PSMB1: variants seen among roughly 807,000 people sequenced by gnomAD.
PSMB1 encodes the protein proteasome 20S subunit beta 1.
PSMB1 carries 7 observed loss-of-function variants against 25.4 expected under a neutral mutation model. That is an observed-to-expected ratio of 0.28 (90% CI 0.16 to 0.52). PSMB1 has a LOEUF of 0.52. Among genes scored for constraint, PSMB1 ranks in the 20% least tolerant of loss-of-function variants. PSMB1 has a pLI of 0.97. For synonymous variants in PSMB1, 119 were observed against 115.0 expected (o/e 1.03, Z -0.22); for missense variants, 284 against 302.2 (o/e 0.94, Z 0.45).
At chr6:170,537,707 A>G (rs181798501) in intron 4 of PSMB1, among the ~76,000 whole-genome samples, 26 of 152,228 alleles carry the variant, frequency 1.7e-4, no homozygotes, top group Non-Finnish European at 3.5e-4. Flanking sequence ...AAAGATGACA[A>G]GAGAATTAAC....
At chr6:170,552,941 G>T (rs12210583) in intron 1 of PSMB1, among the ~76,000 whole-genome samples, 189 bp downstream of exon 1, 9,788 of 152,304 alleles carry the variant, frequency 0.064, 396 homozygotes, top group African/African-American at 0.11. Flanking sequence ...TGAGCAAAGC[G>T]AGCCTGAAGA....
chr6:170,543,513 A>G, intron 4 of PSMB1, 88 bp downstream of exon 4: 2 of 1,259,036 alleles, frequency 1.6e-6, no homozygotes, highest in Non-Finnish European at 1.1e-6. Context: ...GATGGTATTT[A>G]TGGTTCTTTT....
chr6:170,539,577 A>C (rs1778732741), intron 4 of PSMB1, among the ~76,000 whole-genome samples: 1 of 152,264 alleles, frequency 6.6e-6, no homozygotes, highest in Non-Finnish European at 1.5e-5. Context: ...TAAACTGTTC[A>C]ATAGGCAAAA....
chr6:170,552,255 T>G (rs1171457872), intron 1 of PSMB1, among the ~76,000 whole-genome samples: 1 of 152,176 alleles, frequency 6.6e-6, no homozygotes, highest in Non-Finnish European at 1.5e-5. Context: ...TCGTTCAAAT[T>G]GCGTGTGTAT....
intron 1 of PSMB1, 100 bp downstream of exon 1, chr6:170,553,030 A>C: frequency 9.4e-7 from 1 of 1,061,916 alleles, no homozygotes; most frequent in Admixed American, 2.2e-5. Context: ...TGAGGCCTGC[A>C]GGAGCCCGGG....
At chr6:170,537,369 A>G (rs764441200) in intron 4 of PSMB1, 29 bp from the exon 5 acceptor site, 9 of 1,534,060 alleles carry the variant, frequency 5.9e-6, no homozygotes, top group Admixed American at 1.7e-5. Context: ...ATTCATAAGG[A>G]TGGTATCCAA....
Position 170,535,335 on chromosome 6 carries a change from T to C in PSMB1, c.611A>G (p.Lys204Arg), listed in dbSNP as rs1324248704. 6.2e-7 allele frequency: 1 copy of C among 1,614,030 alleles called. No homozygotes were observed. The highest frequency in any genetic ancestry group is 8.5e-7 in the Non-Finnish European group (1 of 1,180,032). ...CTCAGCCGCAGAAATGAAGACATCT[T>C]TCACCAGCCGCATGGCTCTGTCCAA... ...LSLDRAMRLV[K>R]DVFISAAERD... is the part of the protein sequence containing the mutation. Residue 204 changes from lysine to arginine, a missense_variant, in exon 6 of 6, where the codon AAA becomes AGA. Coordinates refer to ENST00000262193, the MANE Select transcript of PSMB1 (RefSeq NM_002793.4).
chr6:170,543,639 T>C lies in PSMB1; in HGVS notation c.395A>G (p.Tyr132Cys). The change falls in exon 4 of 6, where the codon TAC becomes TGC. Residue 132 changes from tyrosine (Y) to cysteine (C), a missense_variant. Coordinates refer to ENST00000262193, the MANE Select transcript of PSMB1 (RefSeq NM_002793.4). ...TILYSRRFFP[Y>C]YVYNIIGGLD... Reference sequence around the variant, plus strand: ...TCCACCGATGATGTTGTAAACATAGTATGGAAAGAAGCGCCTTGAATACAG... The same window carrying C: ...TCCACCGATGATGTTGTAAACATAGCATGGAAAGAAGCGCCTTGAATACAG... 6.2e-7 allele frequency: 1 copy of C among 1,612,024 alleles called. No individual in the cohort carries two copies. The highest frequency in any genetic ancestry group is 8.5e-7 in the Non-Finnish European group (1 of 1,178,260).
In PSMB1 at chr6:170,535,325, G is replaced by T. The variant is rs1778676938; in HGVS notation, c.621C>A (p.Phe207Leu). The change falls in exon 6 of 6, where the codon TTC becomes TTA. Residue 207 changes from phenylalanine (F) to leucine (L), a missense_variant. Phe to Leu is a conservative substitution (Grantham distance 22, BLOSUM62 0). Coordinates refer to ENST00000262193, the MANE Select transcript of PSMB1 (RefSeq NM_002793.4). Reference protein sequence around the residue: ...DRAMRLVKDVFISAAERDVYT... With the variant: ...DRAMRLVKDVLISAAERDVYT... Reference sequence around the variant, plus strand: ...ACACATCTCTCTCAGCCGCAGAAATGAAGACATCTTTCACCAGCCGCATGG... The same window carrying T: ...ACACATCTCTCTCAGCCGCAGAAATTAAGACATCTTTCACCAGCCGCATGG... 6.2e-7 allele frequency: 1 copy of T among 1,614,146 alleles called. No individual in the cohort carries two copies. Among genetic ancestry groups the T allele is most frequent in the Non-Finnish European group, 8.5e-7 (1 of 1,179,996 alleles).
chr6:170,535,711 G>C (rs1284474145), intron 5 of PSMB1, among the ~76,000 whole-genome samples: 1 of 152,156 alleles, frequency 6.6e-6, no homozygotes, highest in African/African-American at 2.4e-5. Flanking sequence ...AGCCAGGAGA[G>C]CCCCAACAGA....
chr6:170,546,846 GA>G (rs1778825862), intron 2 of PSMB1, among the ~76,000 whole-genome samples: 1 of 152,054 alleles, frequency 6.6e-6, no homozygotes, highest in Admixed American at 6.6e-5. Flanking sequence ...ATTCTACAGG[GA>G]AATTTAAGAA....
chr6:170,550,389 G>A (rs1778876092), intron 1 of PSMB1: 1 of 152,220 alleles, frequency 6.6e-6, no homozygotes, highest in African/African-American at 2.4e-5. Context: ...CAAATGCCAA[G>A]CTAAAGATTT....
chr6:170,537,442 C>T, intron 4 of PSMB1, 102 bp from the exon 5 acceptor site: 3 of 889,256 alleles, frequency 3.4e-6, no homozygotes, highest in Non-Finnish European at 5.3e-6. Context: ...CGGACTATCA[C>T]CTTGGCTAAA....
At chr6:170,543,960 T>C (rs1778786106) in intron 3 of PSMB1, among the ~76,000 whole-genome samples, 2 of 152,172 alleles carry the variant, frequency 1.3e-5, no homozygotes, top group Non-Finnish European at 2.9e-5. Flanking sequence ...ATACCACCCT[T>C]ATCTCAGGTA....
At chr6:170,540,179 T>C (rs899708026) in intron 4 of PSMB1, among the ~76,000 whole-genome samples, 3 of 152,138 alleles carry the variant, frequency 2.0e-5, no homozygotes, top group Non-Finnish European at 4.4e-5. Flanking sequence ...GCTGTGGACC[T>C]TGCTGTCCTG....
intron 5 of PSMB1, 119 bp from the exon 6 acceptor site, chr6:170,535,524 T>G (rs1778679640): frequency 1.3e-5 from 11 of 851,434 alleles, no homozygotes; most frequent in Non-Finnish European, 1.8e-6. Flanking sequence ...CTACACAAAA[T>G]TAAAATGTCC....
In PSMB1 at chr6:170,553,264, C is replaced by A. The variant is rs771557813; in HGVS notation, c.-22G>T. On this transcript the variant is annotated 5_prime_UTR_variant, in exon 1 of 6. Coordinates refer to ENST00000262193, the MANE Select transcript of PSMB1 (RefSeq NM_002793.4). ...ACATCGCACGGCTGCGCCTGCGGAT[C>A]CGACACTTGCTGTCTCACGGCGAGA... 23 of 1,558,804 alleles carry A rather than the reference C, an allele frequency of 1.5e-5. No homozygotes were observed. The African/African-American group carries it at 3.0e-4, about 20-fold the overall frequency.
chr6:170,543,446 A>G (rs1205216006), intron 4 of PSMB1, among the ~76,000 whole-genome samples, 155 bp downstream of exon 4: 1 of 152,204 alleles, frequency 6.6e-6, no homozygotes, highest in East Asian at 1.9e-4. Context: ...GAGGTCATAC[A>G]TTAGCTTCAG....
chr6:170,538,624 A>G (rs1778721915), intron 4 of PSMB1, among the ~76,000 whole-genome samples: 1 of 152,280 alleles, frequency 6.6e-6, no homozygotes, highest in Non-Finnish European at 1.5e-5. Flanking sequence ...GCTTGAACCC[A>G]GGAGGCGGAG....
Sources: gnomAD v4.1 joint callset for allele counts (sites outside exome capture counted in the v4.1 genomes callset) on GRCh38, gnomAD v4.1.1 for gene constraint, MANE v1.5 for transcripts, NCBI Gene and HGNC (gene_info 2026-07-23, HGNC 2026-07-21) for gene names.